STX1B: variants seen among roughly 807,000 people sequenced by gnomAD.
STX1B encodes the protein syntaxin 1B, also known as syntaxin-1B.
In STX1B, 7 loss-of-function variants were observed where a neutral mutation model predicts 39.4. The ratio of observed to expected loss-of-function variants is 0.18; its 90% confidence interval spans 0.10 to 0.33. The LOEUF (loss-of-function observed/expected upper bound fraction) is 0.33. Among genes scored for constraint, STX1B ranks in the 10% least tolerant of loss-of-function variants. The pLI, the probability that STX1B is intolerant of heterozygous loss-of-function variation, is 1.00. For synonymous variants in STX1B, 136 were observed against 144.1 expected (o/e 0.94, Z 0.40); for missense variants, 198 against 383.2 (o/e 0.52, Z 4.04).
chr16:31,000,906 G>A (rs1432088960), intron 4 of STX1B, 22 bp downstream of exon 4: 3 of 1,613,548 alleles, frequency 1.9e-6, no homozygotes, highest in Non-Finnish European at 2.5e-6. Flanking sequence ...TTCCTTCCTG[G>A]TTGAGGGATT....
chr16:31,005,959 C>T (rs373945721), intron 1 of STX1B, among the ~76,000 whole-genome samples: 16 of 152,046 alleles, frequency 1.1e-4, no homozygotes, highest in Admixed American at 9.2e-4. Context: ...TGTGGAGCGA[C>T]GGCAAGGACA....
intron 4 of STX1B, among the ~76,000 whole-genome samples, chr16:30,998,174 G>C (rs749871696): frequency 3.3e-5 from 5 of 152,246 alleles, no homozygotes; most frequent in African/African-American, 9.6e-5. Context: ...TTCTGGAAAA[G>C]TGCACAGATT....
At chr16:31,006,523 G>A (rs1165774414) in intron 1 of STX1B, among the ~76,000 whole-genome samples, 1 of 152,262 alleles carries the variant, frequency 6.6e-6, no homozygotes, top group Non-Finnish European at 1.5e-5. Flanking sequence ...GGGGGAGGCA[G>A]ACAATGGGAG....
chr16:30,995,890 A>T (rs2056589215), intron 7 of STX1B, among the ~76,000 whole-genome samples: 1 of 152,204 alleles, frequency 6.6e-6, no homozygotes, highest in Non-Finnish European at 1.5e-5. Context: ...AATGTAGGCA[A>T]ATTAGGCTGG....
chr16:30,998,058 C>T (rs1037979160), intron 4 of STX1B, among the ~76,000 whole-genome samples: 1 of 152,208 alleles, frequency 6.6e-6, no homozygotes, highest in Non-Finnish European at 1.5e-5. Context: ...CCCTCTTTCC[C>T]AGGGGAATTC....
intron 7 of STX1B, among the ~76,000 whole-genome samples, chr16:30,995,493 C>CTTT (rs535108190): frequency 7.0e-5 from 10 of 143,788 alleles, no homozygotes; most frequent in African/African-American, 2.5e-4. Flanking sequence ...TCCTTTCTTT[C>CTTT]TTTTTTTTTT....
At chr16:31,004,161 G>A (rs2056645369) in intron 1 of STX1B, among the ~76,000 whole-genome samples, 2 of 152,234 alleles carry the variant, frequency 1.3e-5, no homozygotes, top group African/African-American at 4.8e-5. Context: ...TTTTGCGTAA[G>A]TCTTACATTC....
rs369776458 is a variant in STX1B at position 30,990,602 on chromosome 16, A to G, written c.*2219T>C. On this transcript the variant is annotated 3_prime_UTR_variant, in exon 10 of 10. Coordinates refer to ENST00000215095, the MANE Select transcript of STX1B (RefSeq NM_052874.5). Reference sequence around the variant, plus strand: ...CATGACCTGGGACCCTGGGGTCCGCACACACACACCGAGTGCCTTGCCTGT... The same window carrying G: ...CATGACCTGGGACCCTGGGGTCCGCGCACACACACCGAGTGCCTTGCCTGT... The G allele has an allele frequency of 2.4e-4, 37 of 152,298 alleles. No individual in the cohort carries two copies. The highest frequency in any genetic ancestry group is 7.9e-4 in the Admixed American group (12 of 15,280). 9.4% of individuals were successfully genotyped at this position (152,298 alleles called of 1,614,324 possible).
At chr16:31,003,818 T>G (rs1330379919) in intron 1 of STX1B, among the ~76,000 whole-genome samples, 1 of 152,144 alleles carries the variant, frequency 6.6e-6, no homozygotes, top group African/African-American at 2.4e-5. Context: ...TACAAACACT[T>G]TTACATCCAT....
rs2056627465 is a variant in STX1B, at chr16:31,001,332, G to C, written c.106-139C>G. On this transcript the variant is annotated intron_variant, in intron 2 of 9. Coordinates refer to ENST00000215095, the MANE Select transcript of STX1B (RefSeq NM_052874.5). This position sits in a 1 kb window ranked among gnomAD's most constrained non-coding sequence, Gnocchi z 5.5. The stretch of plus-strand genomic sequence containing the variant: ...CCAGGGAGGGTGCAGGAGCAGGGAA[G>C]TGGGGGACAGGGAAAAGGAAGTTGT... 1.1e-6 allele frequency: 1 copy of C among 914,732 alleles called. No homozygotes were observed. Among genetic ancestry groups the C allele is most frequent in the Non-Finnish European group, 1.7e-6 (1 of 587,936 alleles). The allele number at this position is 914,732 out of a possible 1,614,324, so 56.7% of individuals were successfully genotyped here.
chr16:30,998,810 CAG>C (rs2056609164), intron 4 of STX1B, among the ~76,000 whole-genome samples: 1 of 152,148 alleles, frequency 6.6e-6, no homozygotes, highest in Admixed American at 6.5e-5. Flanking sequence ...CAGGGTCTTA[CAG>C]AGAGTGTTCA....
At chr16:30,994,148 C>T (rs1386093051) in intron 7 of STX1B, among the ~76,000 whole-genome samples, 1 of 151,736 alleles carries the variant, frequency 6.6e-6, no homozygotes, top group Non-Finnish European at 1.5e-5. Flanking sequence ...AAAAATTAGC[C>T]GGGTGTGGTG....
At position 30,992,812 on chromosome 16, in the gene STX1B, G is replaced by T. The variant is rs78690970; in HGVS notation, c.*9C>A. On this transcript the variant is annotated 3_prime_UTR_variant, in exon 10 of 10. Coordinates refer to ENST00000215095, the MANE Select transcript of STX1B (RefSeq NM_052874.5). ...GGAAGGGTCTGGGAGAGAGAAGGGT[G>T]GGGGGGGCCTACAAGCCCAGCGTCC... is the stretch of plus-strand genomic sequence containing the variant. 9.1e-5 allele frequency: 143 copies of T among 1,566,732 alleles called. No individual in the cohort carries two copies. Among genetic ancestry groups the T allele is most frequent in the Non-Finnish European group, 1.0e-4 (117 of 1,139,164 alleles).
intron 1 of STX1B, among the ~76,000 whole-genome samples, chr16:31,007,438 C>G (rs1394409197): frequency 2.6e-5 from 4 of 152,182 alleles, no homozygotes; most frequent in Admixed American, 2.6e-4. Flanking sequence ...CCATAACCCA[C>G]CTTCCTCTCC....
Position 30,997,590 on chromosome 16 carries a change from G to T in STX1B, c.281-15C>A. 6.2e-7 allele frequency: 1 copy of T among 1,600,312 alleles called. No homozygotes were observed. Among genetic ancestry groups the T allele is most frequent in the African/African-American group, 1.3e-5 (1 of 74,898 alleles). On this transcript the variant is annotated splice_polypyrimidine_tract_variant and intron_variant, in intron 4 of 9. Coordinates refer to ENST00000215095, the MANE Select transcript of STX1B (RefSeq NM_052874.5). ...TTGCTCGATCGCTGCGGGAGAGAGG[G>T]CGCAGCGATGGGCGGGAGACCCGGG...
intron 1 of STX1B, among the ~76,000 whole-genome samples, chr16:31,002,984 GGATCCCAGACA>G (rs1485794658): frequency 1.5e-4 from 23 of 152,090 alleles, no homozygotes; most frequent in Non-Finnish European, 2.1e-4. Flanking sequence ...AGGCTCACAC[GGATCCCAGACA>G]GATCCCAGAC....
intron 1 of STX1B, among the ~76,000 whole-genome samples, chr16:31,005,725 G>A (rs1224399470): frequency 6.6e-6 from 1 of 152,176 alleles, no homozygotes; most frequent in Non-Finnish European, 1.5e-5. Flanking sequence ...TCACACAGCT[G>A]ATGGGATGAC....
rs1192698485 is a variant in STX1B at position 30,997,159 on chromosome 16, G to A, written c.355-100C>T. The A allele has an allele frequency of 5.1e-6, 4 of 791,708 alleles. No individual in the cohort carries two copies. The African/African-American group carries it at 6.7e-5, about 13-fold the overall frequency. The allele number at this position is 791,708 out of a possible 1,614,324, so 49.0% of individuals were successfully genotyped here. A position where few individuals can be genotyped will look rare whatever the true frequency, so the allele number is the denominator to read the frequency against. ...CGAGGCAGGTGAGGAGGCAGTGCAT[G>A]GGCGGAATAAGGAGGAAGCGCTGAA... is the stretch of plus-strand genomic sequence containing the variant. On this transcript the variant is annotated intron_variant, in intron 5 of 9. Transcript: ENST00000215095.
In STX1B at chr16:30,995,821, G is replaced by A. The variant is rs751327818; in HGVS notation, c.537+862C>T. Among the ~76,000 whole-genome samples, 4 of 152,130 alleles carry A rather than the reference G, an allele frequency of 2.6e-5. No homozygotes were observed. The East Asian group carries it at 5.8e-4, about 22-fold the overall frequency. ...ATCCTTTCATATGTAAAAGGACAAG[G>A]GCAGCACAGGGGACAAAACCTAAGC... On this transcript the variant is annotated intron_variant, in intron 7 of 9. Coordinates refer to ENST00000215095, the MANE Select transcript of STX1B (RefSeq NM_052874.5).
Sources: allele counts gnomAD v4.1 joint callset (sites outside exome capture counted in the v4.1 genomes callset), GRCh38; gene constraint gnomAD v4.1.1; non-coding constraint Gnocchi (gnomAD v3.1); transcripts MANE v1.5; gene names NCBI Gene and HGNC (gene_info 2026-07-23, HGNC 2026-07-21).